The following GARRE1 variants were observed in gnomAD, a reference collection of about 807,000 sequenced individuals.
GARRE1 encodes granule associated Rac and RHOG effector protein 1.
A neutral mutation model predicts 103.2 loss-of-function variants in GARRE1; 49 were observed. That is an observed-to-expected ratio of 0.47 (90% CI 0.38 to 0.60). The LOEUF (loss-of-function observed/expected upper bound fraction) is 0.60. GARRE1 is among the 20% of genes least tolerant of loss of function. The pLI is 0.00. For missense variants in GARRE1, 1,199 were observed against 1,370.5 expected, an observed-to-expected ratio of 0.87 and a Z score of 1.98; for synonymous variants, 505 against 532.8, an observed-to-expected ratio of 0.95 and a Z score of 0.72.
In GARRE1 at chr19:34,353,071, C is replaced by T. The variant is rs1011904078; in HGVS notation, c.*116C>T. The T allele has an allele frequency of 1.0e-6, 1 of 993,142 alleles. No individual in the cohort carries two copies. The highest frequency in any genetic ancestry group is 1.6e-5 in the African/African-American group (1 of 62,560). The allele number at this position is 993,142 out of a possible 1,614,324, so 61.5% of individuals were successfully genotyped here. On this transcript the variant is annotated 3_prime_UTR_variant, in exon 14 of 14. Transcript: ENST00000299505. ...CAGCCCCTCAGAGGACCAGTGCGCC[C>T]CATCCCAGGGAGGGTTCCTTGGGGA...
At chr19:34,348,959 GT>G in intron 11 of GARRE1, 56 bp from the exon 12 acceptor site, 2 of 1,596,578 alleles carry the variant, frequency 1.3e-6, no homozygotes, top group East Asian at 2.2e-5. Flanking sequence ...TCAGGGTGGG[GT>G]GGCGGGTGGT....
At chr19:34,259,900 A>G (rs1413915353) in intron 1 of GARRE1, among the ~76,000 whole-genome samples, 2 of 152,304 alleles carry the variant, frequency 1.3e-5, no homozygotes, top group African/African-American at 4.8e-5. Context: ...ATGGCTTTAT[A>G]AGGGGCTTCC....
intron 1 of GARRE1, among the ~76,000 whole-genome samples, chr19:34,269,963 T>C (rs909333800): frequency 2.0e-5 from 3 of 152,238 alleles, no homozygotes; most frequent in East Asian, 3.8e-4. Flanking sequence ...AGTCTGGGCT[T>C]GGTGGACCCC....
rs146336774 is a variant in GARRE1 at position 34,293,715 on chromosome 19, A to AACACACACACACACACACACACAC, written c.-795-5958_-795-5935dup. Among the ~76,000 whole-genome samples the AACACACACACACACACACACACAC allele has an allele frequency of 8.2e-3, 823 of 100,480 alleles. 20 individuals are homozygous for AACACACACACACACACACACACAC. The highest frequency in any genetic ancestry group is 0.031 in the African/African-American group (696 of 22,494). 65.9% of individuals were successfully genotyped at this position (100,480 alleles called of 152,430 possible). On this transcript the variant is annotated intron_variant, in intron 1 of 13. Transcript: ENST00000299505. ...CAACCTCTTGAAGCATAAACATATAAACACACACACACACACACACACACA... is the reference window on the plus strand; with the variant it reads ...CAACCTCTTGAAGCATAAACATATAAACACACACACACACACACACACACACACACACACACACACACACACACA...
At chr19:34,323,821 C>T (rs975270380) in intron 3 of GARRE1, among the ~76,000 whole-genome samples, 3 of 152,200 alleles carry the variant, frequency 2.0e-5, no homozygotes, top group Non-Finnish European at 2.9e-5. Flanking sequence ...TCTCTCTTGA[C>T]GTCTTCACCT....
chr19:34,320,018 C>A lies in GARRE1; in HGVS notation c.607C>A (p.Pro203Thr), dbSNP rs749461324. ...AHSCFAEVIV[P>T]EKKNSGSGGG... is the part of the protein sequence containing the mutation. Reference sequence around the variant, plus strand: ...CTCTTGCTTTGCTGAGGTCATCGTGCCAGAAAAAAAGAACAGCGGCAGTGG... The same window carrying A: ...CTCTTGCTTTGCTGAGGTCATCGTGACAGAAAAAAAGAACAGCGGCAGTGG... The change falls in exon 3 of 14, where the codon CCA becomes ACA. Residue 203 changes from proline to threonine, a missense_variant. Physicochemically the swap from Pro to Thr is conservative, Grantham distance 38. Transcript: ENST00000299505. 2 of 1,614,062 alleles carry A rather than the reference C, an allele frequency of 1.2e-6. No homozygotes were observed. The highest frequency in any genetic ancestry group is 2.7e-5 in the African/African-American group (2 of 74,926).
chr19:34,257,604 T>C (rs1383476958), intron 1 of GARRE1, among the ~76,000 whole-genome samples: 2 of 152,192 alleles, frequency 1.3e-5, no homozygotes, highest in African/African-American at 4.8e-5. Flanking sequence ...TGATTTGTTT[T>C]GGAGTTATTG....
chr19:34,311,485 C>G (rs116883491), intron 2 of GARRE1, among the ~76,000 whole-genome samples: 3,463 of 152,120 alleles, frequency 0.023, 49 homozygotes, highest in Non-Finnish European at 0.035. Flanking sequence ...ATAGGAGCCT[C>G]GCATGAGTGT....
chr19:34,337,251 A>G (rs1471682128), intron 8 of GARRE1, among the ~76,000 whole-genome samples: 1 of 152,192 alleles, frequency 6.6e-6, no homozygotes, highest in Non-Finnish European at 1.5e-5. Flanking sequence ...AGCAAGACAC[A>G]CAGGGTCCCT....
chr19:34,308,389 A>C (rs2074021285), intron 2 of GARRE1, among the ~76,000 whole-genome samples: 1 of 152,120 alleles, frequency 6.6e-6, no homozygotes, highest in Admixed American at 6.5e-5. Context: ...TCAGAAACTG[A>C]AGTTCACCTC....
chr19:34,276,413 C>CAT (rs1195376625), intron 1 of GARRE1, among the ~76,000 whole-genome samples: 2 of 152,118 alleles, frequency 1.3e-5, no homozygotes, highest in South Asian at 2.1e-4. Context: ...AAGGAACAAA[C>CAT]ATAACACATT....
chr19:34,268,695 T>G (rs1305515249), intron 1 of GARRE1, among the ~76,000 whole-genome samples: 2 of 152,078 alleles, frequency 1.3e-5, no homozygotes, highest in Non-Finnish European at 2.9e-5. Flanking sequence ...GTATAGTGAC[T>G]CACACCTGTA....
At chr19:34,326,820 A>G (rs2074114101) in intron 3 of GARRE1, among the ~76,000 whole-genome samples, 1 of 152,094 alleles carries the variant, frequency 6.6e-6, no homozygotes, top group South Asian at 2.1e-4. Context: ...TATATAACAA[A>G]TAACAAGTAG....
At chr19:34,276,203 C>T (rs909472595) in intron 1 of GARRE1, among the ~76,000 whole-genome samples, 1 of 152,022 alleles carries the variant, frequency 6.6e-6, no homozygotes, top group Non-Finnish European at 1.5e-5. Flanking sequence ...GCCACCACGC[C>T]CAGCTAATTT....
chr19:34,317,862 T>C (rs2074067032), intron 2 of GARRE1, among the ~76,000 whole-genome samples: 1 of 152,208 alleles, frequency 6.6e-6, no homozygotes. Flanking sequence ...CTGTGTGCTC[T>C]ACAGGACTAA....
rs548605912 is a variant in GARRE1 at position 34,264,821 on chromosome 19, A to G, written c.-796+10207A>G. On this transcript the variant is annotated intron_variant, in intron 1 of 13. Transcript: ENST00000299505. ...CTCTGCCTTGATGTTTGGAATGGCT[A>G]TGAGGTGTTCTGTGTGACGTATTTA... Among the ~76,000 whole-genome samples the G allele has an allele frequency of 1.7e-3, 264 of 152,296 alleles. 3 individuals are homozygous for G. Among genetic ancestry groups the G allele is most frequent in the African/African-American group, 6.1e-3 (255 of 41,552 alleles).
In GARRE1 at chr19:34,301,048, C is replaced by T. The variant is rs1467492872; in HGVS notation, c.495+80C>T. Reference sequence around the variant, plus strand: ...GAGAATATTGTCTTAAGTTTTTTTCCAAATCACTGTAATAGTAGCCTTTGT... The same window carrying T: ...GAGAATATTGTCTTAAGTTTTTTTCTAAATCACTGTAATAGTAGCCTTTGT... On this transcript the variant is annotated intron_variant, in intron 2 of 13. Coordinates refer to ENST00000299505, the MANE Select transcript of GARRE1 (RefSeq NM_014686.5). 3 of 1,419,744 alleles carry T rather than the reference C, an allele frequency of 2.1e-6. No individual in the cohort carries two copies. In the East Asian group the frequency reaches 6.9e-5, roughly 33 times the overall value. The allele number at this position is 1,419,744 out of a possible 1,614,324, so 87.9% of individuals were successfully genotyped here.
Position 34,352,849 on chromosome 19 carries a change from CCCCACCCCA to C in GARRE1, c.3108_3116del (p.Gln1039_Pro1041del). ...GCCGCTGCCTTCTCCTATGTGCAGA[CCCCACCCCA>C]GCCCCCACCCCCACCAGCACACAAG... On this transcript the variant is annotated inframe_deletion, in exon 14 of 14. Coordinates refer to ENST00000299505, the MANE Select transcript of GARRE1 (RefSeq NM_014686.5). 6.5e-7 allele frequency: 1 copy of C among 1,537,748 alleles called. No individual in the cohort carries two copies. The highest frequency in any genetic ancestry group is 8.9e-7 in the Non-Finnish European group (1 of 1,118,386).
chr19:34,277,005 G>T (rs1396109477), intron 1 of GARRE1, among the ~76,000 whole-genome samples: 1 of 152,196 alleles, frequency 6.6e-6, no homozygotes, highest in African/African-American at 2.4e-5. Context: ...GCTGCAGAAG[G>T]CTTCTCTGAG....
Sources: allele counts gnomAD v4.1 joint callset (sites outside exome capture counted in the v4.1 genomes callset), GRCh38; gene constraint gnomAD v4.1.1; transcripts MANE v1.5; gene names NCBI Gene and HGNC (gene_info 2026-07-23, HGNC 2026-07-21).